CERKL: variants seen among roughly 807,000 people sequenced by gnomAD.
The protein encoded by CERKL is ceramide kinase-like protein.
CERKL carries 61 observed loss-of-function variants against 63.4 expected under a neutral mutation model. The observed-to-expected ratio is 0.96, with a 90% CI of 0.78 to 1.19. The LOEUF (loss-of-function observed/expected upper bound fraction) is 1.19, where lower values mean the gene tolerates loss of function less well. Ranked by LOEUF, CERKL falls within the 50% of genes most tolerant of loss-of-function variation. The pLI, the probability that CERKL is intolerant of heterozygous loss-of-function variation, is 0.00. For missense variants in CERKL, 675 were observed against 655.5 expected (o/e 1.03, Z -0.33); for synonymous variants, 250 against 230.5 (o/e 1.08, Z -0.77).
rs1216449548 is a variant in CERKL, at chr2:181,558,713, A to G, written c.678-5T>C. 2 of 1,613,282 alleles carry G rather than the reference A, an allele frequency of 1.2e-6. No homozygotes were observed. Among genetic ancestry groups the G allele is most frequent in the Non-Finnish European group, 1.7e-6 (2 of 1,179,662 alleles). On this transcript the variant is annotated splice_polypyrimidine_tract_variant and splice_region_variant and intron_variant, in intron 4 of 12. Transcript: ENST00000410087. This position sits in a 1 kb window ranked among gnomAD's most constrained non-coding sequence, Gnocchi z 4.2. ...TCTCCACCAACACAGACAACACTAG[A>G]AAAATACAAATCAAGCAAAGAAGGC...
chr2:181,634,248 A>G (rs1227469114), intron 1 of CERKL, among the ~76,000 whole-genome samples: 1 of 152,188 alleles, frequency 6.6e-6, no homozygotes, highest in African/African-American at 2.4e-5. Flanking sequence ...ATTCTAAAAA[A>G]GAAACAGTAG....
intron 1 of CERKL, among the ~76,000 whole-genome samples, chr2:181,643,085 A>G (rs1687517188): frequency 6.6e-6 from 1 of 152,140 alleles, no homozygotes; most frequent in African/African-American, 2.4e-5. Flanking sequence ...GTAAAATACA[A>G]CACCCCTCCA....
intron 1 of CERKL, among the ~76,000 whole-genome samples, chr2:181,646,690 T>C (rs879383049): frequency 6.6e-6 from 1 of 152,174 alleles, no homozygotes; most frequent in Non-Finnish European, 1.5e-5. Context: ...ATAAACTAGG[T>C]GCTGGTGGTA....
intron 2 of CERKL, among the ~76,000 whole-genome samples, chr2:181,593,620 C>T (rs1409529626): frequency 6.6e-6 from 1 of 151,256 alleles, no homozygotes; most frequent in Non-Finnish European, 1.5e-5. Context: ...ACTTGGAGAA[C>T]AGGAAAGTTC....
intron 3 of CERKL, among the ~76,000 whole-genome samples, chr2:181,569,952 G>A (rs1455063056): frequency 4.6e-5 from 7 of 152,080 alleles, no homozygotes; most frequent in East Asian, 1.9e-4. Context: ...CGGGAATGAC[G>A]GATTTGCAAT....
intron 4 of CERKL, among the ~76,000 whole-genome samples, chr2:181,559,098 CCTG>C (rs1363198378): frequency 1.3e-5 from 2 of 152,202 alleles, no homozygotes; most frequent in Non-Finnish European, 1.5e-5. Context: ...GTCATAAAAT[CCTG>C]CTAATTCTCA....
At chr2:181,567,132 C>T (rs1482074324) in intron 3 of CERKL, among the ~76,000 whole-genome samples, 1 of 151,986 alleles carries the variant, frequency 6.6e-6, no homozygotes, top group Non-Finnish European at 1.5e-5. Context: ...ATTCAAAATG[C>T]CATTAACACT....
At chr2:181,639,102 A>G (rs1687310591) in intron 1 of CERKL, among the ~76,000 whole-genome samples, 1 of 152,168 alleles carries the variant, frequency 6.6e-6, no homozygotes, top group East Asian at 1.9e-4. Flanking sequence ...ATATCAGGAA[A>G]ATCTGGACAC....
chr2:181,542,901 T>TA (rs889967347), intron 11 of CERKL, among the ~76,000 whole-genome samples: 68 of 142,966 alleles, frequency 4.8e-4, no homozygotes, highest in African/African-American at 1.6e-3. Flanking sequence ...TATATTGATT[T>TA]AAAAAAATGA....
chr2:181,571,524 T>C (rs1410318599), intron 3 of CERKL, among the ~76,000 whole-genome samples: 1 of 152,244 alleles, frequency 6.6e-6, no homozygotes, highest in African/African-American at 2.4e-5. Context: ...TTTTTAATTT[T>C]AATTCTGCTG....
intron 5 of CERKL, among the ~76,000 whole-genome samples, chr2:181,555,195 ATCTT>A (rs1688151797): frequency 6.6e-6 from 1 of 152,222 alleles, no homozygotes; most frequent in Non-Finnish European, 1.5e-5. Context: ...AGGGACACCC[ATCTT>A]TCTATTTCTG....
intron 1 of CERKL, among the ~76,000 whole-genome samples, chr2:181,621,526 C>A (rs1026400725): frequency 6.6e-6 from 1 of 152,174 alleles, no homozygotes; most frequent in Non-Finnish European, 1.5e-5. Flanking sequence ...TATACCTTGG[C>A]AGTCTACATA....
chr2:181,575,200 G>A (rs1229298087), intron 2 of CERKL, among the ~76,000 whole-genome samples: 3 of 152,114 alleles, frequency 2.0e-5, no homozygotes, highest in African/African-American at 4.8e-5. Flanking sequence ...TGCATCCTTT[G>A]GCATCACAGC....
rs143014726 is a variant in CERKL, at chr2:181,645,438, T to C, written c.238+11331A>G. On this transcript the variant is annotated intron_variant, in intron 1 of 12. Transcript: ENST00000410087. ...TCCCTCTCCTCCATCTAGATTTAGT[T>C]TCTATCCTCCACCTGCCCTGTTCAC... Among the ~76,000 whole-genome samples, 660 of 152,348 alleles carry C rather than the reference T, an allele frequency of 4.3e-3. 2 individuals are homozygous for C. The highest frequency in any genetic ancestry group is 0.015 in the African/African-American group (640 of 41,582).
rs1379913719 is a variant in CERKL at position 181,539,056 on chromosome 2, C to CTGGT, written c.1538+32_1538+35dup. The stretch of plus-strand genomic sequence containing the variant: ...CGTTGTAATATTAGATTTATGTTTA[C>CTGGT]TGGTTGACAATAAGCGGTGAAATAA... On this transcript the variant is annotated intron_variant, in intron 12 of 12. Coordinates refer to ENST00000410087, the MANE Select transcript of CERKL (RefSeq NM_201548.5). 2.5e-6 allele frequency: 3 copies of CTGGT among 1,223,238 alleles called. No individual in the cohort carries two copies. The African/African-American group carries it at 9.8e-5, about 40-fold the overall frequency. 75.8% of individuals were successfully genotyped at this position (1,223,238 alleles called of 1,614,324 possible). A position where few individuals can be genotyped will look rare whatever the true frequency, so the allele number is the denominator to read the frequency against.
intron 1 of CERKL, among the ~76,000 whole-genome samples, chr2:181,610,508 A>G (rs1416479570): frequency 6.6e-6 from 1 of 152,258 alleles, no homozygotes; most frequent in Non-Finnish European, 1.5e-5. Context: ...GCTCTTCAAT[A>G]GGAGAATGGT....
intron 4 of CERKL, chr2:181,565,485 T>A (rs767504383): frequency 6.2e-7 from 1 of 1,611,522 alleles, no homozygotes; most frequent in Non-Finnish European, 8.5e-7. Flanking sequence ...CTCCAATGTA[T>A]TGCGAACAAT....
chr2:181,620,236 T>C (rs1006855660), intron 1 of CERKL, among the ~76,000 whole-genome samples: 2 of 152,276 alleles, frequency 1.3e-5, no homozygotes, highest in East Asian at 1.9e-4. Context: ...GACCCTTACA[T>C]ACAGTTCAAC....
intron 1 of CERKL, among the ~76,000 whole-genome samples, chr2:181,609,119 A>T (rs1685845758): frequency 2.6e-5 from 4 of 152,024 alleles, no homozygotes; most frequent in Admixed American, 2.6e-4. Flanking sequence ...TTCTTTTATT[A>T]TTATACTTTA....
Sources: gnomAD v4.1 joint callset for allele counts (sites outside exome capture counted in the v4.1 genomes callset) on GRCh38, gnomAD v4.1.1 for gene constraint, Gnocchi (gnomAD v3.1) non-coding constraint, MANE v1.5 for transcripts, NCBI Gene and HGNC (gene_info 2026-07-23, HGNC 2026-07-21) for gene names.